The following EIF4G3 variants were observed in gnomAD, a reference collection of about 807,000 sequenced individuals.
The protein encoded by EIF4G3 is eIF-4-gamma 3.
EIF4G3 carries 34 observed loss-of-function variants against 186.4 expected under a neutral mutation model. That is an observed-to-expected ratio of 0.18 (90% CI 0.14 to 0.24). EIF4G3 has a LOEUF of 0.24. EIF4G3 is among the 10% of genes least tolerant of loss of function. The pLI, the probability that EIF4G3 is intolerant of heterozygous loss-of-function variation, is 1.00. For missense variants in EIF4G3, 1,536 were observed against 1,948.5 expected (o/e 0.79, Z 3.99); for synonymous variants, 673 against 679.5 (o/e 0.99, Z 0.15).
chr1:20,906,949 G>A (rs944816494), intron 14 of EIF4G3, among the ~76,000 whole-genome samples: 2 of 152,112 alleles, frequency 1.3e-5, no homozygotes, highest in Admixed American at 6.6e-5. Context: ...GGGGAGAAAA[G>A]GGAGTAGAAG....
At chr1:21,132,757 T>C (rs563004609) in intron 2 of EIF4G3, among the ~76,000 whole-genome samples, 15 of 151,952 alleles carry the variant, frequency 9.9e-5, no homozygotes, top group African/African-American at 3.6e-4. Context: ...CTTTTAAAAC[T>C]TCCAAATTTT....
chr1:20,882,448 C>A (rs12088981), intron 19 of EIF4G3, among the ~76,000 whole-genome samples: 3 of 151,736 alleles, frequency 2.0e-5, no homozygotes, highest in Non-Finnish European at 4.4e-5. Flanking sequence ...GGTGAAACCC[C>A]GTCTCTACTA....
intron 29 of EIF4G3, chr1:20,847,978 T>C (rs1280632884): frequency 7.8e-6 from 3 of 382,662 alleles, no homozygotes; most frequent in Non-Finnish European, 1.5e-5. Context: ...TCTTTTTTTT[T>C]GTTTGTTTGA....
chr1:20,910,135 C>T (rs1014372929), intron 14 of EIF4G3, among the ~76,000 whole-genome samples: 9 of 151,758 alleles, frequency 5.9e-5, no homozygotes, highest in Non-Finnish European at 2.9e-5. Flanking sequence ...ATTAGTGCTA[C>T]GTAGCAGGAT....
At chr1:20,993,614 T>C (rs189372635) in intron 7 of EIF4G3, among the ~76,000 whole-genome samples, 2 of 152,210 alleles carry the variant, frequency 1.3e-5, no homozygotes, top group East Asian at 3.9e-4. Flanking sequence ...CAACAACAAA[T>C]TCCTTCAAAA....
intron 33 of EIF4G3, among the ~76,000 whole-genome samples, chr1:20,822,228 T>C (rs1281464861): frequency 6.6e-6 from 1 of 152,194 alleles, no homozygotes. Context: ...CCCACTTTTA[T>C]GTATAGAATC....
In EIF4G3 at chr1:20,900,044, C is replaced by A. The variant is rs911661331; in HGVS notation, c.1753-101G>T. The A allele has an allele frequency of 8.4e-6, 10 of 1,194,294 alleles. No homozygotes were observed. In the African/African-American group the frequency reaches 1.2e-4, roughly 15 times the overall value. The allele number at this position is 1,194,294 out of a possible 1,614,324, so 74.0% of individuals were successfully genotyped here. A position where few individuals can be genotyped will look rare whatever the true frequency, so the allele number is the denominator to read the frequency against. On this transcript the variant is annotated intron_variant, in intron 15 of 36. Coordinates refer to ENST00000602326, the MANE Select transcript of EIF4G3 (RefSeq NM_001391906.1). ...CTTCAAAAAGCAAAGGAAAACATGT[C>A]ATTCAAGGTAAGAATGTCTGTGTTC...
chr1:20,906,693 T>C (rs2092192564), intron 14 of EIF4G3, among the ~76,000 whole-genome samples: 2 of 152,150 alleles, frequency 1.3e-5, no homozygotes, highest in African/African-American at 4.8e-5. Context: ...TGAGAATTGT[T>C]ACTCATCTTG....
At chr1:20,830,800 C>CA (rs2064942240) in intron 30 of EIF4G3, among the ~76,000 whole-genome samples, 1 of 152,126 alleles carries the variant, frequency 6.6e-6, no homozygotes, top group African/African-American at 2.4e-5. Context: ...ATACTGCTAA[C>CA]AAAAAACTTT....
At chr1:20,931,418 A>G (rs980194533) in intron 14 of EIF4G3, among the ~76,000 whole-genome samples, 7 of 152,200 alleles carry the variant, frequency 4.6e-5, no homozygotes, top group Admixed American at 4.6e-4. Context: ...CACTGCAAAC[A>G]GATGTGTCAT....
intron 2 of EIF4G3, among the ~76,000 whole-genome samples, chr1:21,094,628 G>T (rs925861754): frequency 6.8e-6 from 1 of 147,248 alleles, no homozygotes; most frequent in African/African-American, 2.5e-5. Flanking sequence ...TCGTGAGGTG[G>T]GGGGAGGGGG....
At chr1:21,049,136 T>A (rs1346117273) in intron 4 of EIF4G3, among the ~76,000 whole-genome samples, 1 of 152,200 alleles carries the variant, frequency 6.6e-6, no homozygotes, top group Admixed American at 6.5e-5. Context: ...CTGCATCAGC[T>A]CTTGGCTATA....
At chr1:21,157,465 G>C (rs566643298) in intron 2 of EIF4G3, among the ~76,000 whole-genome samples, 1 of 151,466 alleles carries the variant, frequency 6.6e-6, no homozygotes, top group Admixed American at 6.6e-5. Flanking sequence ...TCAACCTCCT[G>C]GGCTAGAGTG....
intron 25 of EIF4G3, 41 bp from the exon 26 acceptor site, chr1:20,855,112 C>G (rs200463665): frequency 1.1e-5 from 16 of 1,431,698 alleles, no homozygotes; most frequent in Middle Eastern, 1.8e-4. Flanking sequence ...AGGAAATATT[C>G]TAGAAGAATA....
intron 2 of EIF4G3, among the ~76,000 whole-genome samples, chr1:21,089,729 A>G (rs1342890050): frequency 1.3e-5 from 2 of 151,638 alleles, no homozygotes; most frequent in Non-Finnish European, 2.9e-5. Flanking sequence ...ACAAGTTGCA[A>G]TTAGCAAACC....
intron 4 of EIF4G3, among the ~76,000 whole-genome samples, chr1:21,005,746 G>C (rs758123573): frequency 1.3e-5 from 2 of 152,058 alleles, no homozygotes; most frequent in Non-Finnish European, 2.9e-5. Flanking sequence ...TGTCAACAAT[G>C]TTCCCAATGT....
At chr1:21,128,663 G>A (rs1157907875) in intron 2 of EIF4G3, among the ~76,000 whole-genome samples, 1 of 152,114 alleles carries the variant, frequency 6.6e-6, no homozygotes, top group African/African-American at 2.4e-5. Flanking sequence ...CCTAGCTCGA[G>A]TTATTTTTTA....
At chr1:20,867,333 T>C (rs1270228682) in intron 20 of EIF4G3, among the ~76,000 whole-genome samples, 1 of 152,170 alleles carries the variant, frequency 6.6e-6, no homozygotes, top group African/African-American at 2.4e-5. Flanking sequence ...TATGTAAATT[T>C]GAGCAAGTTA....
chr1:21,094,676 C>T (rs1268389476), intron 2 of EIF4G3, among the ~76,000 whole-genome samples: 3 of 150,454 alleles, frequency 2.0e-5, no homozygotes, highest in Non-Finnish European at 4.4e-5. Context: ...ATGTAAACGA[C>T]GAGTTAATGG....
Sources: allele counts gnomAD v4.1 joint callset (sites outside exome capture counted in the v4.1 genomes callset), GRCh38; gene constraint gnomAD v4.1.1; transcripts MANE v1.5; gene names NCBI Gene and HGNC (gene_info 2026-07-23, HGNC 2026-07-21).